The following FOXN1 variants were observed in gnomAD, a reference collection of about 807,000 sequenced individuals.
The protein encoded by FOXN1 is forkhead box protein N1.
In FOXN1, 15 loss-of-function variants were observed where a neutral mutation model predicts 49.0. The observed-to-expected ratio is 0.31, with a 90% CI of 0.20 to 0.47. The LOEUF (loss-of-function observed/expected upper bound fraction) is 0.47, where lower values mean the gene tolerates loss of function less well. Among genes scored for constraint, FOXN1 ranks in the 20% least tolerant of loss-of-function variants. The pLI is 1.00. For missense variants in FOXN1, 800 were observed against 842.8 expected (o/e 0.95, Z 0.63); for synonymous variants, 356 against 369.0 (o/e 0.96, Z 0.40).
At chr17:28,517,046 A>G (rs1330011430) in intron 1 of FOXN1, among the ~76,000 whole-genome samples, 1 of 49,492 alleles carries the variant, frequency 2.0e-5, no homozygotes, top group Non-Finnish European at 5.9e-5. Context: ...CACAGAGTAC[A>G]TACCTCCACA....
chr17:28,524,077 C>T lies in FOXN1; in HGVS notation c.108C>T (p.Ser36=). Residue 36 remains serine, a synonymous_variant, in exon 2 of 9, where the codon TCC becomes TCT. Transcript: ENST00000579795. ...TGCAGGCACCGGGCCTCCCAGGCTC[C>T]CCTGCCCCACAGAGTGTAAGTACCC... ...DLMQAPGLPG[S]PAPQSKHAGF... The T allele has an allele frequency of 6.2e-7, 1 of 1,604,404 alleles. No individual in the cohort carries two copies. The highest frequency in any genetic ancestry group is 8.5e-7 in the Non-Finnish European group (1 of 1,176,786).
intron 5 of FOXN1, among the ~76,000 whole-genome samples, chr17:28,530,217 AAAAG>A (rs1223292610): frequency 9.2e-5 from 14 of 152,192 alleles, no homozygotes. Flanking sequence ...TTTAAGATTC[AAAAG>A]AAAAAAATGT....
At chr17:28,531,632 C>A (rs1346296301) in intron 6 of FOXN1, among the ~76,000 whole-genome samples, 3 of 152,128 alleles carry the variant, frequency 2.0e-5, no homozygotes, top group African/African-American at 4.8e-5. Context: ...CCAGCACAGA[C>A]CCCCTTCTCC....
rs567337813 is a variant in FOXN1 at position 28,507,958 on chromosome 17, G to A, written c.-15+1515G>A. Among the ~76,000 whole-genome samples the A allele has an allele frequency of 2.6e-5, 4 of 152,312 alleles. No individual in the cohort carries two copies. In the South Asian group the frequency reaches 8.3e-4, roughly 32 times the overall value. The stretch of plus-strand genomic sequence containing the variant: ...CGGGGTGAGGGCTGCCCCAGGTTGG[G>A]GATCCTCAAAGGCGAAGGAGCCACA... On this transcript the variant is annotated intron_variant, in intron 1 of 8. Coordinates refer to ENST00000579795, the MANE Select transcript of FOXN1 (RefSeq NM_001369369.1).
intron 1 of FOXN1, among the ~76,000 whole-genome samples, chr17:28,509,648 A>G (rs1470978295): frequency 1.3e-5 from 2 of 152,266 alleles, no homozygotes; most frequent in African/African-American, 4.8e-5. Context: ...TAAAGGCTGG[A>G]TGCTCACCAA....
chr17:28,508,163 A>G (rs1359446158), intron 1 of FOXN1, among the ~76,000 whole-genome samples: 1 of 152,164 alleles, frequency 6.6e-6, no homozygotes, highest in Non-Finnish European at 1.5e-5. Flanking sequence ...TTCTCAGAGG[A>G]CTTTATTTCC....
chr17:28,509,893 T>G (rs968856179), intron 1 of FOXN1, among the ~76,000 whole-genome samples: 1 of 152,094 alleles, frequency 6.6e-6, no homozygotes, highest in Admixed American at 6.5e-5. Flanking sequence ...TAGGGTTGAT[T>G]AGGAGTGCGC....
chr17:28,537,726 C>A lies in FOXN1; in HGVS notation c.*290C>A, dbSNP rs550812640. Reference sequence around the variant, plus strand: ...TGTCCCTAGCTCACACTCATCCACACTTAAGCCCTCGTGCACACACACAAA... The same window carrying A: ...TGTCCCTAGCTCACACTCATCCACAATTAAGCCCTCGTGCACACACACAAA... On this transcript the variant is annotated 3_prime_UTR_variant, in exon 9 of 9. Coordinates refer to ENST00000579795, the MANE Select transcript of FOXN1 (RefSeq NM_001369369.1). 1.5e-5 allele frequency: 8 copies of A among 541,732 alleles called. No homozygotes were observed. In the East Asian group the frequency reaches 2.3e-4, roughly 15 times the overall value. The allele number at this position is 541,732 out of a possible 1,614,324, so 33.6% of individuals were successfully genotyped here.
intron 1 of FOXN1, among the ~76,000 whole-genome samples, chr17:28,517,101 C>T (rs1322205213): frequency 9.4e-6 from 1 of 106,180 alleles, no homozygotes; most frequent in Non-Finnish European, 2.2e-5. Context: ...GGGTACACAC[C>T]TCCACAGGAT....
rs2069795411 is a variant in FOXN1, at chr17:28,527,350, C to G, written c.688C>G (p.Pro230Ala). The G allele has an allele frequency of 3.1e-6, 5 of 1,608,122 alleles. No individual in the cohort carries two copies. The highest frequency in any genetic ancestry group is 1.3e-5 in the African/African-American group (1 of 74,794). The stretch of plus-strand genomic sequence containing the variant: ...GCATATGTACTGCTCCTCCCAGCCC[C>G]CCTTCCACCAGGTGGGTCTGGGGCA... ...LQHMYCSSQP[P>A]FHQYSPGGGS... The change falls in exon 4 of 9, where the codon CCC becomes GCC. Residue 230 changes from proline (P) to alanine (A), a missense_variant. Pro to Ala is a conservative substitution (Grantham distance 27, BLOSUM62 -1). Coordinates refer to ENST00000579795, the MANE Select transcript of FOXN1 (RefSeq NM_001369369.1).
intron 1 of FOXN1, among the ~76,000 whole-genome samples, chr17:28,523,732 G>A (rs909355289): frequency 6.6e-6 from 1 of 151,902 alleles, no homozygotes; most frequent in African/African-American, 2.4e-5. Flanking sequence ...TCTCCACAGG[G>A]GTCTGATCTC....
intron 1 of FOXN1, among the ~76,000 whole-genome samples, chr17:28,510,656 G>C (rs1178738804): frequency 6.6e-6 from 1 of 151,558 alleles, no homozygotes; most frequent in African/African-American, 2.4e-5. Context: ...TCTGCACTTA[G>C]CACCCCTCCT....
intron 1 of FOXN1, among the ~76,000 whole-genome samples, chr17:28,507,878 GT>G (rs1259465874): frequency 6.6e-6 from 1 of 152,224 alleles, no homozygotes; most frequent in Non-Finnish European, 1.5e-5. Flanking sequence ...TCTGTGAGGG[GT>G]CCAGGGTGAG....
intron 1 of FOXN1, among the ~76,000 whole-genome samples, chr17:28,521,261 C>T (rs983003424): frequency 6.6e-6 from 1 of 152,200 alleles, no homozygotes; most frequent in African/African-American, 2.4e-5. Context: ...TCTAAAACAC[C>T]GTGCTACCCC....
Position 28,534,262 on chromosome 17 carries a change from A to T in FOXN1, c.928-69A>T. 1.2e-6 allele frequency: 2 copies of T among 1,611,650 alleles called. 1 individual carries two copies. The highest frequency in any genetic ancestry group is 2.2e-5 in the South Asian group (2 of 90,844). ...AGAGGAGAAACAGGAGTGTTCTAGA[A>T]CCCAGACCTGAAGCCCGCTCTGGCT... On this transcript the variant is annotated intron_variant, in intron 6 of 8. Transcript: ENST00000579795. This position sits in a 1 kb window ranked among gnomAD's most constrained non-coding sequence, Gnocchi z 4.1.
rs1215011992 is a variant in FOXN1 at position 28,534,092 on chromosome 17, C to T, written c.928-239C>T. ...TCCTCTGAGGGGTCAGGAAGGGATGCGGGTGGGATGAAGGCAGATTTGAGA... is the reference window on the plus strand; with the variant it reads ...TCCTCTGAGGGGTCAGGAAGGGATGTGGGTGGGATGAAGGCAGATTTGAGA... On this transcript the variant is annotated intron_variant, in intron 6 of 8. Transcript: ENST00000579795. The surrounding 1 kb of genome is among the most constrained non-coding windows in gnomAD (Gnocchi z 4.1). 2.0e-5 allele frequency among the ~76,000 whole-genome samples: 3 copies of T among 152,140 alleles called. No individual in the cohort carries two copies. The highest frequency in any genetic ancestry group is 2.1e-4 in the South Asian group (1 of 4,830).
intron 1 of FOXN1, among the ~76,000 whole-genome samples, chr17:28,517,570 C>A (rs1210847422): frequency 6.7e-6 from 1 of 149,196 alleles, no homozygotes; most frequent in Non-Finnish European, 1.5e-5. Context: ...CACACCTCCA[C>A]AGGATCCATA....
chr17:28,511,209 C>T (rs1366064649), intron 1 of FOXN1, among the ~76,000 whole-genome samples: 4 of 152,180 alleles, frequency 2.6e-5, no homozygotes, highest in African/African-American at 7.2e-5. Flanking sequence ...ATCCCCTGTG[C>T]AAGATGGCAT....
chr17:28,534,715 G>C lies in FOXN1; in HGVS notation c.1144G>C (p.Asp382His). 1 of 1,613,462 alleles carries C rather than the reference G, an allele frequency of 6.2e-7. No individual in the cohort carries two copies. The highest frequency in any genetic ancestry group is 8.5e-7 in the Non-Finnish European group (1 of 1,179,922). ...TCTCTTGGGCCTTTCAGAAGAGCTG[G>C]ACAGCCTCATTGGAGACAAGAGAGA... ...RKSMAKPEEL[D>H]SLIGDKREKL... is the part of the protein sequence containing the mutation. The change falls in exon 8 of 9, where the codon GAC becomes CAC. Residue 382 changes from aspartate (D) to histidine (H), a missense_variant. Around this residue, in one of 3 missense-constraint regions of FOXN1, gnomAD observed 344 missense variants for 366.1 expected, o/e 0.94. Coordinates refer to ENST00000579795, the MANE Select transcript of FOXN1 (RefSeq NM_001369369.1). The surrounding 1 kb of genome is among the most constrained non-coding windows in gnomAD (Gnocchi z 4.1).
Sources: gnomAD v4.1 joint callset for allele counts (sites outside exome capture counted in the v4.1 genomes callset) on GRCh38, gnomAD v4.1.1 for gene constraint, gnomAD v4.1.1 regional missense constraint, Gnocchi (gnomAD v3.1) non-coding constraint, MANE v1.5 for transcripts, NCBI Gene and HGNC (gene_info 2026-07-23, HGNC 2026-07-21) for gene names.